UBAC2: variants seen among roughly 807,000 people sequenced by gnomAD.
UBAC2 encodes UBA domain containing 2, also known as ubiquitin-associated domain-containing protein 2.
Under a neutral mutation model 44.0 loss-of-function variants are expected in UBAC2, and 26 were observed. The ratio of observed to expected loss-of-function variants is 0.59; its 90% CI spans 0.43 to 0.82. The LOEUF (loss-of-function observed/expected upper bound fraction) is 0.82, where lower values mean the gene tolerates loss of function less well. Ranked by LOEUF, UBAC2 falls within the 40% of genes least tolerant of loss-of-function variation. UBAC2 has a pLI of 0.00. For synonymous variants in UBAC2, 155 were observed against 154.3 expected (o/e 1.00, Z -0.04); for missense variants, 329 against 419.4 (o/e 0.78, Z 1.88).
intron 7 of UBAC2, among the ~76,000 whole-genome samples, chr13:99,341,060 A>G (rs1484313491): frequency 3.3e-5 from 5 of 152,254 alleles, no homozygotes; most frequent in Admixed American, 1.3e-4. Context: ...CTTGCTATCA[A>G]TAATCAGAAA....
intron 1 of UBAC2, chr13:99,215,633 C>T (rs1346789661): frequency 4.5e-6 from 6 of 1,331,940 alleles, no homozygotes; most frequent in East Asian, 4.6e-5. Flanking sequence ...GTCTGTGACC[C>T]GTCGTCCTAG....
chr13:99,233,322 A>G (rs1421407079), intron 1 of UBAC2, among the ~76,000 whole-genome samples: 1 of 152,140 alleles, frequency 6.6e-6, no homozygotes, highest in Non-Finnish European at 1.5e-5. Context: ...TATGTTGGCC[A>G]GGCTGGTCTT....
At chr13:99,378,586 C>T (rs139066988) in intron 8 of UBAC2, among the ~76,000 whole-genome samples, 199 of 152,304 alleles carry the variant, frequency 1.3e-3, no homozygotes, top group Middle Eastern at 6.8e-3. Flanking sequence ...CTGACAGACT[C>T]GAAGGTATAT....
chr13:99,269,950 T>G (rs1241512394), intron 4 of UBAC2, among the ~76,000 whole-genome samples: 2 of 152,228 alleles, frequency 1.3e-5, no homozygotes, highest in Middle Eastern at 3.2e-3. Flanking sequence ...TACAAACACC[T>G]TTAACAGTTT....
chr13:99,357,258 C>G (rs563135307), intron 7 of UBAC2, among the ~76,000 whole-genome samples: 4 of 152,306 alleles, frequency 2.6e-5, no homozygotes, highest in South Asian at 4.1e-4. Context: ...GCGATCACAT[C>G]TAGGTTTCTG....
intron 1 of UBAC2, among the ~76,000 whole-genome samples, chr13:99,205,289 A>T (rs2042856702): frequency 6.6e-6 from 1 of 152,198 alleles, no homozygotes; most frequent in Non-Finnish European, 1.5e-5. Flanking sequence ...TTGAAGATAC[A>T]GACAGGAATG....
chr13:99,255,250 A>C (rs1298413076), intron 4 of UBAC2: 8 of 1,614,046 alleles, frequency 5.0e-6, no homozygotes, highest in African/African-American at 1.3e-5. Context: ...AATAATGACC[A>C]AGTAGCACCC....
intron 2 of UBAC2, 45 bp downstream of exon 2, chr13:99,238,599 T>A: frequency 6.9e-7 from 1 of 1,449,878 alleles, no homozygotes. Context: ...CGGACAGTTT[T>A]TTTTTTTTCT....
At chr13:99,271,247 A>G (rs1829611229) in intron 4 of UBAC2, among the ~76,000 whole-genome samples, 1 of 152,212 alleles carries the variant, frequency 6.6e-6, no homozygotes, top group South Asian at 2.1e-4. Flanking sequence ...TGCAGTTTTA[A>G]TAATTCTAGT....
At chr13:99,268,224 G>A (rs2043768291) in intron 4 of UBAC2, among the ~76,000 whole-genome samples, 2 of 152,108 alleles carry the variant, frequency 1.3e-5, no homozygotes, top group East Asian at 1.9e-4. Flanking sequence ...GTGGGTTTTC[G>A]GGGAGCTGCT....
chr13:99,357,961 A>G (rs2045211791), intron 7 of UBAC2, among the ~76,000 whole-genome samples: 1 of 152,222 alleles, frequency 6.6e-6, no homozygotes. Flanking sequence ...CCAGGTCTAC[A>G]AACAGGACAA....
At chr13:99,341,393 A>ACCT (rs1487948063) in intron 7 of UBAC2, among the ~76,000 whole-genome samples, 18 of 122,474 alleles carry the variant, frequency 1.5e-4, no homozygotes, top group Non-Finnish European at 2.1e-4. Flanking sequence ...GTCCCATTGG[A>ACCT]GATGCAGGTC....
chr13:99,274,744 G>T (rs1403020891), intron 4 of UBAC2, among the ~76,000 whole-genome samples: 13 of 144,196 alleles, frequency 9.0e-5, no homozygotes, highest in Admixed American at 4.8e-4. Flanking sequence ...TTGAGACAGG[G>T]TTTCACTGTT....
intron 1 of UBAC2, among the ~76,000 whole-genome samples, chr13:99,225,180 T>C (rs1464182206): frequency 1.3e-5 from 2 of 152,230 alleles, no homozygotes; most frequent in Non-Finnish European, 2.9e-5. Context: ...ATGTACAATC[T>C]TAACTATTTT....
At chr13:99,238,137 G>A (rs2043260386) in intron 1 of UBAC2, among the ~76,000 whole-genome samples, 1 of 152,196 alleles carries the variant, frequency 6.6e-6, no homozygotes, top group Non-Finnish European at 1.5e-5. Flanking sequence ...CACTTGGGTA[G>A]CCATTTTCTG....
At chr13:99,321,862 T>A (rs2044573161) in intron 6 of UBAC2, among the ~76,000 whole-genome samples, 2 of 152,170 alleles carry the variant, frequency 1.3e-5, no homozygotes, top group Non-Finnish European at 2.9e-5. Flanking sequence ...AGGATGGCTG[T>A]CAGACCTCAG....
At chr13:99,334,828 A>G (rs1594138315) in intron 6 of UBAC2, among the ~76,000 whole-genome samples, 1 of 152,350 alleles carries the variant, frequency 6.6e-6, no homozygotes, top group East Asian at 1.9e-4. Flanking sequence ...ATCAAAAGGT[A>G]GAGATTGTCA....
chr13:99,332,837 A>G (rs2044735298), intron 6 of UBAC2, among the ~76,000 whole-genome samples: 1 of 152,222 alleles, frequency 6.6e-6, no homozygotes, highest in African/African-American at 2.4e-5. Flanking sequence ...CCTCCTTGGT[A>G]GAGTTCCCCC....
chr13:99,230,938 A>G (rs1395114229), intron 1 of UBAC2, among the ~76,000 whole-genome samples: 1 of 152,038 alleles, frequency 6.6e-6, no homozygotes. Flanking sequence ...AGTCCCAGCT[A>G]CTCAGGGGGC....
Sources: allele counts gnomAD v4.1 joint callset (sites outside exome capture counted in the v4.1 genomes callset), GRCh38; gene constraint gnomAD v4.1.1; transcripts MANE v1.5; gene names NCBI Gene and HGNC (gene_info 2026-07-23, HGNC 2026-07-21).